Variants in NKX6-3 observed in about 807,000 individuals in gnomAD.
The protein encoded by NKX6-3 is homeobox protein Nkx-6.3.
Under a neutral mutation model 22.0 loss-of-function variants are expected in NKX6-3, and 17 were observed. The observed-to-expected ratio is 0.77, with a 90% CI of 0.53 to 1.16. The LOEUF (loss-of-function observed/expected upper bound fraction) is 1.16, where lower values mean the gene tolerates loss of function less well. Ranked by LOEUF, NKX6-3 falls within the 50% of genes most tolerant of loss-of-function variation. NKX6-3 has a pLI of 0.00. For synonymous variants in NKX6-3, 177 were observed against 167.2 expected (o/e 1.06, Z -0.45); for missense variants, 363 against 359.0 (o/e 1.01, Z -0.09).
At chr8:41,647,444 G>T in intron 2 of NKX6-3, 1 of 1,379,430 alleles carries the variant, frequency 7.2e-7, no homozygotes, top group Non-Finnish European at 9.7e-7. Context: ...GGTTTCCCCG[G>T]GTCTATTTAG....
intron 2 of NKX6-3, 142 bp downstream of exon 2, chr8:41,647,924 T>TAGGC (rs1441219404): frequency 2.2e-5 from 15 of 692,958 alleles, no homozygotes; most frequent in Middle Eastern, 4.2e-4. Context: ...GCTCCAGGGT[T>TAGGC]AGGCAGGCAG....
Position 41,648,054 on chromosome 8 carries a change from G to A in NKX6-3, c.552+12C>T, listed in dbSNP as rs116766733. On this transcript the variant is annotated intron_variant, in intron 2 of 2. Transcript: ENST00000518699. ...CCCTGCAGGGCAGGTGCCATCTCCC[G>A]CACAGACTTACCTTGACCTGCGACT... is the stretch of plus-strand genomic sequence containing the variant. 3,108 of 1,523,530 alleles carry A rather than the reference G, an allele frequency of 2.0e-3. 14 individuals carry two copies. Among genetic ancestry groups the A allele is most frequent in the African/African-American group, 0.015 (1,081 of 72,952 alleles). 94.4% of individuals were successfully genotyped at this position (1,523,530 alleles called of 1,614,324 possible). A position where few individuals can be genotyped will look rare whatever the true frequency, so the allele number is the denominator to read the frequency against.
At position 41,648,189 on chromosome 8, in the gene NKX6-3, C is replaced by T. The variant is rs1249573781; in HGVS notation, c.429G>A (p.Arg143=). 6.5e-7 allele frequency: 1 copy of T among 1,538,144 alleles called. No individual in the cohort carries two copies. Among genetic ancestry groups the T allele is most frequent in the Non-Finnish European group, 8.7e-7 (1 of 1,146,862 alleles). The part of the protein sequence containing the change: ...SDSIHKKKHT[R]PTFTGHQIFA... ...AGATCTGGTGCCCCGTGAAGGTGGG[C>T]CGGGTGTGCTTCTTCTTGTGTATGC... Residue 143 remains arginine, a synonymous_variant, in exon 2 of 3, where the codon CGG becomes CGA. Coordinates refer to ENST00000518699, the MANE Select transcript of NKX6-3 (RefSeq NM_001364841.2).
chr8:41,648,619 G>A (rs533616976), intron 1 of NKX6-3, among the ~76,000 whole-genome samples: 103 of 152,348 alleles, frequency 6.8e-4, no homozygotes, highest in Non-Finnish European at 4.4e-5. Flanking sequence ...CAGGGCCTGT[G>A]AATTCCCTCC....
chr8:41,648,836 A>T (rs1804260494), intron 1 of NKX6-3, among the ~76,000 whole-genome samples: 1 of 152,228 alleles, frequency 6.6e-6, no homozygotes, highest in South Asian at 2.1e-4. Flanking sequence ...AGGCTCGGGA[A>T]GGAGCTGTGG....
rs1201955269 is a variant in NKX6-3 at position 41,645,210 on chromosome 8, T to C, written c.*1239A>G. 1.3e-5 allele frequency: 2 copies of C among 152,258 alleles called. No homozygotes were observed. The highest frequency in any genetic ancestry group is 2.9e-5 in the Non-Finnish European group (2 of 68,062). 9.4% of individuals were successfully genotyped at this position (152,258 alleles called of 1,614,324 possible). ...ATGGGACTTTTATTTTTACTGTTTA[T>C]TTTTTGAAAGCCAGTGAGGATGGGC... On this transcript the variant is annotated 3_prime_UTR_variant, in exon 3 of 3. Transcript: ENST00000518699.
At chr8:41,648,285 C>T (rs564591770) in intron 1 of NKX6-3, 50 bp from the exon 2 acceptor site, 10 of 1,468,326 alleles carry the variant, frequency 6.8e-6, no homozygotes, top group East Asian at 2.5e-5. Context: ...GGGGACCCTG[C>T]GGCTAGGCAC....
At position 41,650,060 on chromosome 8, in the gene NKX6-3, C is replaced by T. The variant is rs140276568; in HGVS notation, c.382+51G>A. On this transcript the variant is annotated intron_variant, in intron 1 of 2. Transcript: ENST00000518699. ...AGGAGGCCCCTCCTCGTCCTCTGCC[C>T]CCCGGGGCCTGGCGGGTGCCGGGAG... 561 of 1,492,918 alleles carry T rather than the reference C, an allele frequency of 3.8e-4. 4 individuals carry two copies. In the East Asian group the frequency reaches 7.6e-3, roughly 20 times the overall value. 92.5% of individuals were successfully genotyped at this position (1,492,918 alleles called of 1,614,324 possible).
chr8:41,646,369 TGGGGAAGGGGA>T lies in NKX6-3; in HGVS notation c.*69_*79del. 6.7e-7 allele frequency: 1 copy of T among 1,486,878 alleles called. No homozygotes were observed. The highest frequency in any genetic ancestry group is 9.0e-7 in the Non-Finnish European group (1 of 1,110,302). The allele number at this position is 1,486,878 out of a possible 1,614,324, so 92.1% of individuals were successfully genotyped here. ...CTCAGTCCCTGCGCCCCCAGGAGCG[TGGGGAAGGGGA>T]GGGGAAGGTAGGCTCCTCGGCGTCC... On this transcript the variant is annotated 3_prime_UTR_variant, in exon 3 of 3. Coordinates refer to ENST00000518699, the MANE Select transcript of NKX6-3 (RefSeq NM_001364841.2).
chr8:41,650,683 G>A lies in NKX6-3; in HGVS notation c.-191C>T. On this transcript the variant is annotated 5_prime_UTR_variant, in exon 1 of 3. Transcript: ENST00000518699. ...CCGATCAGCTGCTCGGAAGTCAGGT[G>A]CTCGGGGCAGGTGGGAGGCCTCCCC... 1.7e-6 allele frequency: 1 copy of A among 603,404 alleles called. No individual in the cohort carries two copies. Among genetic ancestry groups the A allele is most frequent in the South Asian group, 2.0e-5 (1 of 49,970 alleles). 37.4% of individuals were successfully genotyped at this position (603,404 alleles called of 1,614,324 possible).
intron 2 of NKX6-3, chr8:41,647,440 C>T: frequency 7.2e-7 from 1 of 1,392,052 alleles, no homozygotes; most frequent in Non-Finnish European, 9.5e-7. Context: ...AACCGGTTTC[C>T]CCGGGTCTAT....
At chr8:41,647,057 T>TAAAAAA in intron 2 of NKX6-3, 1 of 927,758 alleles carries the variant, frequency 1.1e-6, no homozygotes, top group South Asian at 1.5e-5. Flanking sequence ...CGGTGCTCAT[T>TAAAAAA]GGAAGGTGCT....
intron 2 of NKX6-3, chr8:41,647,345 C>A (rs1804233991): frequency 1.3e-6 from 2 of 1,567,178 alleles, no homozygotes; most frequent in Non-Finnish European, 1.7e-6. Flanking sequence ...TGCCAGCTGC[C>A]CCTGCTGCAT....
Position 41,650,115 on chromosome 8 carries a change from G to A in NKX6-3, c.378C>T (p.Ser126=), listed in dbSNP as rs1309800220. ...GQDWRGGRQC[S]NTPDPLSDSI... ...CTGGGGAGGACCCGTACTCACTGTT[G>A]CTGCACTGCCGCCCGCCTCGCCAGT... Residue 126 remains serine, a synonymous_variant, in exon 1 of 3, where the codon AGC becomes AGT. Transcript: ENST00000518699. 1 of 1,533,832 alleles carries A rather than the reference G, an allele frequency of 6.5e-7. No individual in the cohort carries two copies. Among genetic ancestry groups the A allele is most frequent in the Non-Finnish European group, 8.7e-7 (1 of 1,145,826 alleles).
At chr8:41,647,425 G>T in intron 2 of NKX6-3, 3 of 1,442,272 alleles carry the variant, frequency 2.1e-6, no homozygotes, top group Non-Finnish European at 2.7e-6. Context: ...CTCTAAGGCG[G>T]TAGAAACCGG....
At chr8:41,647,442 C>G (rs1419766275) in intron 2 of NKX6-3, 4 of 1,379,924 alleles carry the variant, frequency 2.9e-6, no homozygotes, top group South Asian at 2.7e-5. Flanking sequence ...CCGGTTTCCC[C>G]GGGTCTATTT....
Position 41,648,454 on chromosome 8 carries a change from C to T in NKX6-3, c.383-219G>A, listed in dbSNP as rs4736998. Reference sequence around the variant, plus strand: ...GCAGGGCTCCGAGAGGGCAGCTGCCCTAGTGTAATGGGACTTAGGGGCAGC... The same window carrying T: ...GCAGGGCTCCGAGAGGGCAGCTGCCTTAGTGTAATGGGACTTAGGGGCAGC... On this transcript the variant is annotated intron_variant, in intron 1 of 2. Transcript: ENST00000518699. Among the ~76,000 whole-genome samples, 3 of 152,304 alleles carry T rather than the reference C, an allele frequency of 2.0e-5. No homozygotes were observed. In the East Asian group the frequency reaches 5.8e-4, roughly 29 times the overall value.
chr8:41,647,582 C>T (rs1201677490), intron 2 of NKX6-3, among the ~76,000 whole-genome samples: 1 of 152,208 alleles, frequency 6.6e-6, no homozygotes, highest in African/African-American at 2.4e-5. Flanking sequence ...GAGACGTTGT[C>T]TTCATCTTAA....
chr8:41,650,251 C>G lies in NKX6-3; in HGVS notation c.242G>C (p.Gly81Ala), dbSNP rs922154185. ...LSGYPHVAGF[G>A]GLSSQGVYYS... is the part of the protein sequence containing the mutation. ...GTAGACCCCCTGCGAGCTGAGCCCC[C>G]CAAAGCCTGCCACGTGGGGGTAGCC... The change falls in exon 1 of 3, where the codon GGG (glycine) becomes GCG (alanine). Residue 81 changes from glycine (G) to alanine (A), a missense_variant. Physicochemically the swap from Gly to Ala is moderately conservative, Grantham distance 60. Around this residue, in one of 3 missense-constraint regions of NKX6-3, gnomAD observed 175 missense variants for 160.9 expected, o/e 1.09. Coordinates refer to ENST00000518699, the MANE Select transcript of NKX6-3 (RefSeq NM_001364841.2). The G allele has an allele frequency of 7.2e-6, 11 of 1,533,218 alleles. No homozygotes were observed. The highest frequency in any genetic ancestry group is 9.6e-6 in the Non-Finnish European group (11 of 1,145,506). The allele number at this position is 1,533,218 out of a possible 1,614,324, so 95.0% of individuals were successfully genotyped here. A position where few individuals can be genotyped will look rare whatever the true frequency, so the allele number is the denominator to read the frequency against.
Sources: gnomAD v4.1 joint callset for allele counts (sites outside exome capture counted in the v4.1 genomes callset) on GRCh38, gnomAD v4.1.1 for gene constraint, gnomAD v4.1.1 regional missense constraint, MANE v1.5 for transcripts, NCBI Gene and HGNC (gene_info 2026-07-23, HGNC 2026-07-21) for gene names.